The following MED16 variants were observed in gnomAD, a reference collection of about 807,000 sequenced individuals.
The protein encoded by MED16 is mediator of RNA polymerase II transcription subunit 16.
In MED16, 81 loss-of-function variants were observed where a neutral mutation model predicts 84.4. The observed-to-expected ratio is 0.96, with a 90% CI of 0.80 to 1.15. MED16 has a LOEUF of 1.15. Ranked by LOEUF, MED16 falls within the 50% of genes most tolerant of loss-of-function variation. The probability of loss-of-function intolerance (pLI) is 0.00; values close to 1 mark genes in which losing one functional copy is unlikely to be tolerated. For synonymous variants in MED16, 897 were observed against 552.2 expected, an observed-to-expected ratio of 1.62 and a Z score of -8.76; for missense variants, 1,585 against 1,245.9, an observed-to-expected ratio of 1.27 and a Z score of -4.10.
rs780072047 is a variant in MED16 at position 871,267 on chromosome 19, T to C, written c.2099-14A>G. On this transcript the variant is annotated splice_polypyrimidine_tract_variant and intron_variant, in intron 12 of 15. Transcript: ENST00000325464. The stretch of plus-strand genomic sequence containing the variant: ...CCTCATCGCGACCTGCGGAGAGAGG[T>C]GGCGGAAGTCTCAGCACCCCTGACT... 2 of 1,526,586 alleles carry C rather than the reference T, an allele frequency of 1.3e-6. No homozygotes were observed. Among genetic ancestry groups the C allele is most frequent in the African/African-American group, 2.8e-5 (2 of 72,614 alleles). The allele number at this position is 1,526,586 out of a possible 1,614,324, so 94.6% of individuals were successfully genotyped here.
chr19:883,633 G>C (rs901015220), intron 6 of MED16, among the ~76,000 whole-genome samples: 1 of 152,170 alleles, frequency 6.6e-6, no homozygotes, highest in South Asian at 2.1e-4. Context: ...GGGCCAGCAG[G>C]TGAGGACGGC....
Position 871,643 on chromosome 19 carries a change from G to C in MED16, c.2098+283C>G, listed in dbSNP as rs578178116. ...GCCATCCCAAAAGCACCCACACAGA[G>C]CATGGACCTGTGCTAGGAACTGGGG... On this transcript the variant is annotated intron_variant, in intron 12 of 15. Transcript: ENST00000325464. 2.5e-6 allele frequency: 4 copies of C among 1,593,264 alleles called. No homozygotes were observed. The South Asian group carries it at 3.3e-5, about 13-fold the overall frequency.
chr19:876,863 G>GGCC lies in MED16; in HGVS notation c.1560+110_1560+111insGGC, dbSNP rs1178671320. 65 of 887,924 alleles carry GGCC rather than the reference G, an allele frequency of 7.3e-5. No homozygotes were observed. The African/African-American group carries it at 9.1e-4, about 12-fold the overall frequency. The allele number at this position is 887,924 out of a possible 1,614,324, so 55.0% of individuals were successfully genotyped here. A position where few individuals can be genotyped will look rare whatever the true frequency, so the allele number is the denominator to read the frequency against. On this transcript the variant is annotated intron_variant, in intron 9 of 15. Coordinates refer to ENST00000325464, the MANE Select transcript of MED16 (RefSeq NM_005481.3). ...ACAGGGACAGCCCCACCTGGCACGG[G>GGCC]ACCACCTGCCACGGGGCCCCCACCT... is the stretch of plus-strand genomic sequence containing the variant.
chr19:870,394 A>T (rs1313974010), intron 13 of MED16, among the ~76,000 whole-genome samples: 1 of 152,014 alleles, frequency 6.6e-6, no homozygotes, highest in Non-Finnish European at 1.5e-5. Flanking sequence ...AACCGCCTCT[A>T]TACCAAAAAT....
At position 877,023 on chromosome 19, in the gene MED16, A is replaced by G; in HGVS notation, c.1511T>C (p.Val504Ala). 2 of 1,612,238 alleles carry G rather than the reference A, an allele frequency of 1.2e-6. No individual in the cohort carries two copies. Among genetic ancestry groups the G allele is most frequent in the Non-Finnish European group, 1.7e-6 (2 of 1,179,764 alleles). ...CGTGTACTCCTCGTGCAGCTTCTCC[A>G]CCAGGCTCTGTACCATACTGGGCTG... Reference protein sequence around the residue: ...HVQPSMVQSLVEKLHEEYTRQ... With the variant: ...HVQPSMVQSLAEKLHEEYTRQ... Residue 504 changes from valine to alanine, a missense_variant, in exon 9 of 16, where the codon GTG becomes GCG. Coordinates refer to ENST00000325464, the MANE Select transcript of MED16 (RefSeq NM_005481.3).
chr19:891,029 G>A lies in MED16; in HGVS notation c.103C>T (p.Leu35=), dbSNP rs749287073. Residue 35 remains leucine (L), a synonymous_variant, in exon 2 of 16, where the codon CTG becomes TTG. Coordinates refer to ENST00000325464, the MANE Select transcript of MED16 (RefSeq NM_005481.3). The part of the protein sequence containing the change: ...SKSTHCPSVP[L]ACAWSCRNLI... ...TTTCGGCAGGACCAGGCGCAGGCCA[G>A]GGGCACCGATGGGCAGTGGGTGCTC... 3.7e-5 allele frequency: 60 copies of A among 1,614,012 alleles called. No individual in the cohort carries two copies. Among genetic ancestry groups the A allele is most frequent in the Non-Finnish European group, 5.0e-5 (59 of 1,180,036 alleles).
intron 1 of MED16, chr19:892,881 A>AGCCGCGCGCCCCGC (rs2036667745): frequency 2.2e-5 from 3 of 137,866 alleles, no homozygotes; most frequent in African/African-American, 8.3e-5. Flanking sequence ...CTGAGCCCCG[A>AGCCGCGCGCCCCGC]GCCCCGCGCC....
At chr19:880,233 G>C in intron 7 of MED16, 85 bp from the exon 8 acceptor site, 1 of 1,317,476 alleles carries the variant, frequency 7.6e-7, no homozygotes. Context: ...GCAGGGTGTG[G>C]AGAGCCGGGG....
intron 5 of MED16, among the ~76,000 whole-genome samples, chr19:885,325 T>G (rs2036503350): frequency 6.6e-6 from 1 of 152,054 alleles, no homozygotes; most frequent in Non-Finnish European, 1.5e-5. Flanking sequence ...CGACCTGGTG[T>G]GGTCGGCTCA....
At chr19:873,192 A>C (rs2145201038) in intron 11 of MED16, 1 of 495,602 alleles carries the variant, frequency 2.0e-6, no homozygotes, top group Non-Finnish European at 3.4e-6. Flanking sequence ...GGGCAGGGCT[A>C]GGAAGTGGGG....
intron 4 of MED16, among the ~76,000 whole-genome samples, chr19:887,061 G>A (rs980839734): frequency 1.3e-5 from 2 of 151,068 alleles, no homozygotes; most frequent in South Asian, 2.1e-4. Flanking sequence ...CCTGGGCAAC[G>A]AGAGCAAAAC....
At chr19:884,356 C>T (rs2036482072) in intron 6 of MED16, among the ~76,000 whole-genome samples, 1 of 151,008 alleles carries the variant, frequency 6.6e-6, no homozygotes, top group Non-Finnish European at 1.5e-5. Flanking sequence ...TCCGTGGGTG[C>T]GGGGGGCCCA....
At chr19:886,611 G>T (rs1056697983) in intron 4 of MED16, among the ~76,000 whole-genome samples, 1 of 152,238 alleles carries the variant, frequency 6.6e-6, no homozygotes. Flanking sequence ...AAACCCAGGC[G>T]GGGGCCGTCA....
At chr19:881,181 C>T (rs1041663095) in intron 7 of MED16, among the ~76,000 whole-genome samples, 1 of 152,214 alleles carries the variant, frequency 6.6e-6, no homozygotes, top group African/African-American at 2.4e-5. Flanking sequence ...AGTGTGCAGA[C>T]TCACTCATGG....
intron 10 of MED16, among the ~76,000 whole-genome samples, chr19:874,880 T>C (rs1208707147): frequency 6.6e-6 from 1 of 152,060 alleles, no homozygotes; most frequent in African/African-American, 2.4e-5. Context: ...AAAGCCTGGG[T>C]GTGGTGTAAT....
chr19:881,540 G>C lies in MED16; in HGVS notation c.1141+19C>G, dbSNP rs1166647094. 6.3e-7 allele frequency: 1 copy of C among 1,599,314 alleles called. No individual in the cohort carries two copies. Among genetic ancestry groups the C allele is most frequent in the African/African-American group, 1.3e-5 (1 of 74,800 alleles). ...GTGTGAACTGAGGCCCCGCGTGGCTGCCGCTGGCTCCACCGTACCGAGGCC... is the reference window on the plus strand; with the variant it reads ...GTGTGAACTGAGGCCCCGCGTGGCTCCCGCTGGCTCCACCGTACCGAGGCC... On this transcript the variant is annotated intron_variant, in intron 7 of 15. Coordinates refer to ENST00000325464, the MANE Select transcript of MED16 (RefSeq NM_005481.3).
At position 877,097 on chromosome 19, in the gene MED16, C is replaced by T. The variant is rs769402935; in HGVS notation, c.1437G>A (p.Glu479=). The T allele has an allele frequency of 1.9e-6, 3 of 1,612,702 alleles. No homozygotes were observed. Among genetic ancestry groups the T allele is most frequent in the Non-Finnish European group, 2.5e-6 (3 of 1,179,904 alleles). The change falls in exon 9 of 16, where the codon GAG becomes GAA. Residue 479 remains glutamate, a synonymous_variant. Transcript: ENST00000325464. ...AGTCGTAGCCGGTCACCATGCAGTACTCCAGCAGGAAGAGCAGGTGCCGCA... is the reference window on the plus strand; with the variant it reads ...AGTCGTAGCCGGTCACCATGCAGTATTCCAGCAGGAAGAGCAGGTGCCGCA... ...LALRHLLFLL[E]YCMVTGYDWW... is the part of the protein sequence containing the mutation.
At position 893,183 on chromosome 19, in the gene MED16, C is replaced by T. The variant is rs56283881; in HGVS notation, c.-116G>A. 26,388 of 152,302 alleles carry T rather than the reference C, an allele frequency of 0.17. 3,063 individuals are homozygous for T. Among genetic ancestry groups the T allele is most frequent in the Non-Finnish European group, 0.25 (17,156 of 68,010 alleles). 9.4% of individuals were successfully genotyped at this position (152,302 alleles called of 1,614,324 possible). A position where few individuals can be genotyped will look rare whatever the true frequency, so the allele number is the denominator to read the frequency against. ...GCCATCTTCCTCGGTAACAACCAGT[C>T]GCCTGAGGCGTGGGGCCGCCTCCCA... On this transcript the variant is annotated 5_prime_UTR_variant, in exon 1 of 16. Transcript: ENST00000325464.
chr19:879,067 CCCA>C (rs2036344816), intron 8 of MED16, among the ~76,000 whole-genome samples: 1 of 1,694 alleles, frequency 5.9e-4, no homozygotes, highest in African/African-American at 2.0e-3. Context: ...GCCCACCAGC[CCCA>C]GCCCCAGCCC....
Sources: gnomAD v4.1 joint callset for allele counts (sites outside exome capture counted in the v4.1 genomes callset) on GRCh38, gnomAD v4.1.1 for gene constraint, MANE v1.5 for transcripts, NCBI Gene and HGNC (gene_info 2026-07-23, HGNC 2026-07-21) for gene names.